NUP98: variants seen among roughly 807,000 people sequenced by gnomAD.
NUP98 encodes nuclear pore complex protein Nup98-Nup96.
A neutral mutation model predicts 191.9 loss-of-function variants in NUP98; 26 were observed. That is an observed-to-expected ratio of 0.14 (90% CI 0.10 to 0.19). The LOEUF is 0.19. Among genes scored for constraint, NUP98 ranks in the 10% least tolerant of loss-of-function variants. The probability of loss-of-function intolerance (pLI) is 1.00; values close to 1 mark genes in which losing one functional copy is unlikely to be tolerated. For missense variants in NUP98, 1,941 were observed against 2,178.8 expected, an observed-to-expected ratio of 0.89 and a Z score of 2.17; for synonymous variants, 808 against 778.4, an observed-to-expected ratio of 1.04 and a Z score of -0.63.
At chr11:3,778,465 A>C (rs528852492) in intron 4 of NUP98, among the ~76,000 whole-genome samples, 243 of 152,330 alleles carry the variant, frequency 1.6e-3, no homozygotes, top group African/African-American at 5.0e-3. Flanking sequence ...TTCCTGCTCT[A>C]GTCTCTTCAT....
In NUP98 at chr11:3,705,202, A is replaced by G; in HGVS notation, c.3080T>C (p.Leu1027Pro). 6.2e-7 allele frequency: 1 copy of G among 1,614,064 alleles called. No individual in the cohort carries two copies. Among genetic ancestry groups the G allele is most frequent in the Non-Finnish European group, 8.5e-7 (1 of 1,179,898 alleles). The stretch of plus-strand genomic sequence containing the variant: ...AAATAGCATCTTTTATACTGTACCT[A>G]GTGAACGAGTTTTCGACGAGTGGGA... ...SASHSSKTRS[L>P]VGGLLQSKFT... Residue 1027 changes from leucine (L) to proline (P), a missense_variant and splice_region_variant, in exon 22 of 33, where the codon CTA becomes CCA. Coordinates refer to ENST00000324932, the MANE Select transcript of NUP98 (RefSeq NM_016320.5).
At chr11:3,764,899 T>A (rs1341345516) in intron 8 of NUP98, among the ~76,000 whole-genome samples, 5 of 152,144 alleles carry the variant, frequency 3.3e-5, no homozygotes, top group African/African-American at 1.2e-4. Context: ...TTTTATTGTA[T>A]CTTTCAAATA....
chr11:3,735,476 A>T (rs2080013386), intron 12 of NUP98, 152 bp from the exon 13 acceptor site: 2 of 344,774 alleles, frequency 5.8e-6, no homozygotes, highest in Non-Finnish European at 4.9e-6. Flanking sequence ...ATGTGTGTAG[A>T]GCAAACTGTA....
intron 8 of NUP98, among the ~76,000 whole-genome samples, chr11:3,767,257 G>A (rs906154473): frequency 2.0e-5 from 3 of 150,372 alleles, no homozygotes; most frequent in South Asian, 2.1e-4. Flanking sequence ...CAGCATGCCC[G>A]GCTGATCCTT....
chr11:3,704,653 CT>C (rs1452112605), intron 22 of NUP98, among the ~76,000 whole-genome samples: 1 of 152,156 alleles, frequency 6.6e-6, no homozygotes, highest in Non-Finnish European at 1.5e-5. Flanking sequence ...AGCACAAATG[CT>C]TTTTTTCTCC....
Position 3,771,748 on chromosome 11 carries a change from T to C in NUP98, c.784A>G (p.Ser262Gly), listed in dbSNP as rs2081538922. ...YGQNKTAFGTSTTGFGTNPGG... is the reference protein window; with the variant it reads ...YGQNKTAFGTGTTGFGTNPGG... ...ATCTAACATGATATCAAGTGCTTAC[T>C]AGTTCCAAAGGCAGTTTTGTTCTGA... The change falls in exon 7 of 33, where the codon AGT becomes GGT. Residue 262 changes from serine to glycine, a missense_variant and splice_region_variant. This residue lies in a region of NUP98 where 181 missense variants were observed against 228.0 expected (regional missense o/e 0.79). Transcript: ENST00000324932. 6.2e-7 allele frequency: 1 copy of C among 1,613,886 alleles called. No individual in the cohort carries two copies. Among genetic ancestry groups the C allele is most frequent in the Non-Finnish European group, 8.5e-7 (1 of 1,179,734 alleles).
chr11:3,683,394 A>G lies in NUP98; in HGVS notation c.4724T>C (p.Leu1575Pro). Residue 1575 changes from leucine to proline, a missense_variant, in exon 30 of 33, where the codon CTG (leucine) becomes CCG (proline). By Grantham distance (98) the Leu-to-Pro change is moderately conservative. This residue lies in a region of NUP98 where 1,030 missense variants were observed against 1,115.8 expected (regional missense o/e 0.92). Coordinates refer to ENST00000324932, the MANE Select transcript of NUP98 (RefSeq NM_016320.5). The part of the protein sequence containing the change: ...VRELLTRHCQ[L>P]LETPESWAKE... ...AGCCCAAGATTCAGGGGTCTCCAAC[A>G]GCTGGCAGTGCCGGGTAAGCAGCTC... 1.9e-6 allele frequency: 3 copies of G among 1,614,194 alleles called. No homozygotes were observed. The highest frequency in any genetic ancestry group is 2.5e-6 in the Non-Finnish European group (3 of 1,180,040).
chr11:3,680,501 A>G (rs77748491), intron 30 of NUP98, among the ~76,000 whole-genome samples: 265 of 152,268 alleles, frequency 1.7e-3, no homozygotes, highest in African/African-American at 5.9e-3. Flanking sequence ...TACTCCTGTT[A>G]TTTAATGTTG....
intron 1 of NUP98, among the ~76,000 whole-genome samples, chr11:3,782,569 CA>C (rs1356975127): frequency 1.5e-3 from 188 of 122,052 alleles, no homozygotes; most frequent in African/African-American, 3.7e-3. Context: ...AAAAAGCTAA[CA>C]TTTTTTTTTT....
intron 23 of NUP98, among the ~76,000 whole-genome samples, 136 bp downstream of exon 23, chr11:3,702,303 ACACACACACACTCTCTCTCTCTCT>A (rs1295673768): frequency 1.9e-4 from 11 of 58,818 alleles, no homozygotes; most frequent in African/African-American, 6.9e-4. Context: ...ACACACACAC[ACACACACACACTCTCTCTCTCTCT>A]CTCTCTCTCT....
In NUP98 at chr11:3,780,437, G is replaced by T. The variant is rs372073851; in HGVS notation, c.77-1180C>A. Among the ~76,000 whole-genome samples, 650 of 150,388 alleles carry T rather than the reference G, an allele frequency of 4.3e-3. 3 individuals are homozygous for T. The highest frequency in any genetic ancestry group is 0.015 in the African/African-American group (601 of 41,032). ...GGTGCCTGTAGTCCCAGCTACCGGG[G>T]AGGCTGAGGCAGGAGAATTGCTTAA... On this transcript the variant is annotated intron_variant, in intron 2 of 32. Transcript: ENST00000324932.
At chr11:3,679,786 C>G in intron 30 of NUP98, 78 bp from the exon 31 acceptor site, 1 of 1,398,786 alleles carries the variant, frequency 7.1e-7, no homozygotes, top group Non-Finnish European at 9.7e-7. Context: ...GGCAGGAAGA[C>G]AGAAAGGAAG....
At chr11:3,743,018 C>T (rs2080341886) in intron 12 of NUP98, among the ~76,000 whole-genome samples, 2 of 151,756 alleles carry the variant, frequency 1.3e-5, no homozygotes, top group Admixed American at 1.3e-4. Context: ...TTTTCTTTTA[C>T]TTTTTTCTTT....
intron 12 of NUP98, among the ~76,000 whole-genome samples, chr11:3,737,833 T>C (rs1163497957): frequency 1.3e-5 from 2 of 152,042 alleles, no homozygotes; most frequent in Non-Finnish European, 2.9e-5. Context: ...ATCATCTGTA[T>C]TCAGAAAGTT....
intron 26 of NUP98, 57 bp downstream of exon 26, chr11:3,695,392 C>T: frequency 1.4e-6 from 2 of 1,408,822 alleles, no homozygotes; most frequent in Non-Finnish European, 9.4e-7. Context: ...CAACCTCAAA[C>T]CAGCTTCAAT....
intron 12 of NUP98, among the ~76,000 whole-genome samples, chr11:3,741,135 A>C (rs755232512): frequency 1.5e-4 from 23 of 152,032 alleles, no homozygotes; most frequent in Admixed American, 7.2e-4. Flanking sequence ...TTTTAATCTT[A>C]AATGGGAATG....
chr11:3,716,988 A>G (rs1475980287), intron 18 of NUP98, among the ~76,000 whole-genome samples: 2 of 152,092 alleles, frequency 1.3e-5, no homozygotes, highest in Non-Finnish European at 2.9e-5. Context: ...TGTAGGCAGT[A>G]CTGACATTTT....
chr11:3,695,507 G>A lies in NUP98; in HGVS notation c.4109C>T (p.Ala1370Val). ...TCTCTCATCCTGGATGAAGGAGTCT[G>A]CTTGGAGCTGATGCCAGTCCACCAA... ...MQLVDWHQLQADSFIQDERLR... is the reference protein window; with the variant it reads ...MQLVDWHQLQVDSFIQDERLR... Residue 1370 changes from alanine (A) to valine (V), a missense_variant, in exon 26 of 33, where the codon GCA becomes GTA. Coordinates refer to ENST00000324932, the MANE Select transcript of NUP98 (RefSeq NM_016320.5). 6.2e-7 allele frequency: 1 copy of A among 1,611,346 alleles called. No homozygotes were observed. The highest frequency in any genetic ancestry group is 8.5e-7 in the Non-Finnish European group (1 of 1,178,768).
At chr11:3,680,430 C>T (rs187622632) in intron 30 of NUP98, among the ~76,000 whole-genome samples, 1 of 152,294 alleles carries the variant, frequency 6.6e-6, no homozygotes, top group Admixed American at 6.5e-5. Context: ...GCAAGTACTT[C>T]CCCCACTAAA....
Sources: gnomAD v4.1 joint callset for allele counts (sites outside exome capture counted in the v4.1 genomes callset) on GRCh38, gnomAD v4.1.1 for gene constraint, gnomAD v4.1.1 regional missense constraint, MANE v1.5 for transcripts, NCBI Gene and HGNC (gene_info 2026-07-23, HGNC 2026-07-21) for gene names.